Variants in DCHS2 observed in about 807,000 individuals in gnomAD.
The protein encoded by DCHS2 is protocadherin-23.
A neutral mutation model predicts 182.4 loss-of-function variants in DCHS2; 142 were observed. That is an observed-to-expected ratio of 0.78 (90% confidence interval 0.68 to 0.89). The LOEUF (loss-of-function observed/expected upper bound fraction) is 0.89. Ranked by LOEUF, DCHS2 falls within the 40% of genes least tolerant of loss-of-function variation. The pLI is 0.00. For missense variants in DCHS2, 4,319 were observed against 4,198.6 expected (o/e 1.03, Z -0.79); for synonymous variants, 1,740 against 1,663.3 (o/e 1.05, Z -1.12).
intron 3 of DCHS2, among the ~76,000 whole-genome samples, chr4:154,357,511 T>G (rs141412659): frequency 6.6e-4 from 100 of 152,338 alleles, no homozygotes; most frequent in African/African-American, 2.3e-3. Flanking sequence ...GTTAGTTCAC[T>G]GCAACCTTGG....
chr4:154,302,981 A>ATT (rs1203490247), intron 12 of DCHS2, among the ~76,000 whole-genome samples: 1 of 90,366 alleles, frequency 1.1e-5, no homozygotes, highest in African/African-American at 4.3e-5. Context: ...ACACACACAC[A>ATT]TATTTTTTTT....
At chr4:154,323,720 T>C (rs1393779901) in intron 7 of DCHS2, among the ~76,000 whole-genome samples, 1 of 152,170 alleles carries the variant, frequency 6.6e-6, no homozygotes, top group African/African-American at 2.4e-5. Context: ...CTTTGTTTCA[T>C]GCACAAAGTT....
chr4:154,325,867 A>G (rs1205423602), intron 7 of DCHS2, among the ~76,000 whole-genome samples: 2 of 152,262 alleles, frequency 1.3e-5, no homozygotes, highest in Non-Finnish European at 2.9e-5. Context: ...AAAGCAATGC[A>G]ATGAACTCAA....
intron 1 of DCHS2, among the ~76,000 whole-genome samples, chr4:154,415,913 A>G (rs923106465): frequency 1.2e-4 from 18 of 152,112 alleles, no homozygotes; most frequent in African/African-American, 4.1e-4. Context: ...TATTTTTTAA[A>G]TATTTTTATC....
Position 154,322,373 on chromosome 4 carries a change from C to T in DCHS2, c.4134G>A (p.Gln1378=), listed in dbSNP as rs1265759983. 1.9e-6 allele frequency: 3 copies of T among 1,613,780 alleles called. No individual in the cohort carries two copies. Among genetic ancestry groups the T allele is most frequent in the Admixed American group, 3.3e-5 (2 of 59,950 alleles). Residue 1378 remains glutamine, a synonymous_variant, in exon 8 of 20, where the codon CAG becomes CAA. Coordinates refer to ENST00000357232, the MANE Select transcript of DCHS2 (RefSeq NM_001358235.2). ...CCTGTCCTTGAAGAGGAGGCACTCC[C>T]TGGTCAGTGGCAATGACACTCATTC... ...SYRMSVIATD[Q]GVPPLQGQAV... is the part of the protein sequence containing the mutation.
chr4:154,483,471 G>C (rs1291760195), intron 1 of DCHS2, among the ~76,000 whole-genome samples: 2 of 152,114 alleles, frequency 1.3e-5, no homozygotes, highest in African/African-American at 4.8e-5. Context: ...TCAAAACTGG[G>C]TCAACTGAAG....
intron 13 of DCHS2, among the ~76,000 whole-genome samples, chr4:154,275,854 T>C (rs1000967879): frequency 6.6e-6 from 1 of 151,920 alleles, no homozygotes; most frequent in African/African-American, 2.4e-5. Flanking sequence ...CAAAGAAGAG[T>C]TATACATGGC....
At chr4:154,390,443 T>C (rs1731646169) in intron 1 of DCHS2, among the ~76,000 whole-genome samples, 1 of 151,918 alleles carries the variant, frequency 6.6e-6, no homozygotes, top group African/African-American at 2.4e-5. Flanking sequence ...TGGTAGCAAC[T>C]GTAAGTAACT....
intron 13 of DCHS2, among the ~76,000 whole-genome samples, chr4:154,278,051 A>G (rs1373999673): frequency 6.6e-6 from 1 of 152,042 alleles, no homozygotes; most frequent in East Asian, 1.9e-4. Context: ...ACACACAAAA[A>G]AAAAGAATTT....
chr4:154,327,201 C>T (rs1007496778), intron 7 of DCHS2, among the ~76,000 whole-genome samples: 25 of 152,056 alleles, frequency 1.6e-4, no homozygotes, highest in Middle Eastern at 6.3e-3. Context: ...GTCCACTTCC[C>T]GCTCCCTGGG....
chr4:154,477,114 T>C (rs1023533676), intron 1 of DCHS2, among the ~76,000 whole-genome samples: 2 of 152,164 alleles, frequency 1.3e-5, no homozygotes, highest in African/African-American at 4.8e-5. Flanking sequence ...CAGAAGTTTA[T>C]TTCTCATGGT....
chr4:154,282,763 A>T (rs1312283899), intron 13 of DCHS2, among the ~76,000 whole-genome samples: 1 of 152,154 alleles, frequency 6.6e-6, no homozygotes, highest in Non-Finnish European at 1.5e-5. Context: ...AATAAATGAG[A>T]GGTAAAAGCA....
At chr4:154,398,342 A>G (rs1011148104) in intron 1 of DCHS2, among the ~76,000 whole-genome samples, 3 of 152,218 alleles carry the variant, frequency 2.0e-5, no homozygotes, top group Non-Finnish European at 4.4e-5. Flanking sequence ...GTCGCAGCAA[A>G]GATTCAGTGA....
At chr4:154,237,405 T>G (rs529220331) in intron 19 of DCHS2, 1 of 432,924 alleles carries the variant, frequency 2.3e-6, no homozygotes, top group East Asian at 4.9e-5. Context: ...TTGAGGTTGC[T>G]GTTGCCACAA....
intron 12 of DCHS2, among the ~76,000 whole-genome samples, chr4:154,302,473 TG>T (rs1401715377): frequency 6.6e-6 from 1 of 152,176 alleles, no homozygotes; most frequent in African/African-American, 2.4e-5. Flanking sequence ...GCCTGGCTTT[TG>T]TTTTTGGAAG....
intron 1 of DCHS2, among the ~76,000 whole-genome samples, chr4:154,464,743 T>C (rs1181109956): frequency 6.6e-6 from 1 of 152,120 alleles, no homozygotes; most frequent in Non-Finnish European, 1.5e-5. Flanking sequence ...GGATTTGCAA[T>C]ATCCTCTTGG....
At chr4:154,332,385 G>T in intron 5 of DCHS2, 93 bp downstream of exon 5, 1 of 1,180,788 alleles carries the variant, frequency 8.5e-7, no homozygotes, top group Non-Finnish European at 1.2e-6. Context: ...TCCTGATTTT[G>T]TTTAATTTTT....
At chr4:154,403,390 G>A (rs1362505192) in intron 1 of DCHS2, among the ~76,000 whole-genome samples, 2 of 151,868 alleles carry the variant, frequency 1.3e-5, no homozygotes, top group Admixed American at 6.6e-5. Flanking sequence ...AAATACTTTT[G>A]CTGCATTTAT....
chr4:154,322,634 G>A, intron 7 of DCHS2, 146 bp from the exon 8 acceptor site: 2 of 1,085,596 alleles, frequency 1.8e-6, no homozygotes, highest in East Asian at 2.9e-5. Flanking sequence ...ACTAAAAATA[G>A]ACAAGAAACA....
Sources: allele counts gnomAD v4.1 joint callset (sites outside exome capture counted in the v4.1 genomes callset), GRCh38; gene constraint gnomAD v4.1.1; transcripts MANE v1.5; gene names NCBI Gene and HGNC (gene_info 2026-07-23, HGNC 2026-07-21).